The following ZMPSTE24 variants were observed in gnomAD, a reference collection of about 807,000 sequenced individuals.
ZMPSTE24 encodes CAAX prenyl protease 1 homolog.
In ZMPSTE24, 48 loss-of-function variants were observed where a neutral mutation model predicts 56.7. The observed-to-expected ratio is 0.85, with a 90% confidence interval of 0.67 to 1.08. The LOEUF (loss-of-function observed/expected upper bound fraction) is 1.08. ZMPSTE24 is among the 50% of genes least tolerant of loss of function. ZMPSTE24 has a pLI of 0.00. For missense variants in ZMPSTE24, 503 were observed against 548.7 expected (o/e 0.92, Z 0.83); for synonymous variants, 172 against 195.2 (o/e 0.88, Z 0.99).
chr1:40,281,246 G>A (rs1441503229), intron 6 of ZMPSTE24, 97 bp from the exon 7 acceptor site: 11 of 1,170,586 alleles, frequency 9.4e-6, no homozygotes, highest in Non-Finnish European at 1.4e-5. Flanking sequence ...ATTTGAAAAT[G>A]TTAATGTCCT....
chr1:40,288,846 C>T (rs55798920), intron 8 of ZMPSTE24, among the ~76,000 whole-genome samples: 1 of 151,982 alleles, frequency 6.6e-6, no homozygotes, highest in Non-Finnish European at 1.5e-5. Context: ...CCATTTTTTT[C>T]CCACTGCCAA....
At chr1:40,272,968 G>A (rs1014248789) in intron 6 of ZMPSTE24, among the ~76,000 whole-genome samples, 2 of 152,168 alleles carry the variant, frequency 1.3e-5, no homozygotes, top group African/African-American at 2.4e-5. Flanking sequence ...CTATTATAGC[G>A]CAAAAGCAGC....
chr1:40,267,749 C>A, intron 2 of ZMPSTE24, 37 bp from the exon 3 acceptor site: 1 of 1,412,440 alleles, frequency 7.1e-7, no homozygotes, highest in Non-Finnish European at 1.0e-6. Context: ...GTTTCTAGTA[C>A]TGTTCAACTG....
intron 6 of ZMPSTE24, among the ~76,000 whole-genome samples, chr1:40,277,736 A>C (rs748493790): frequency 9.2e-5 from 14 of 152,090 alleles, no homozygotes; most frequent in Admixed American, 2.0e-4. Context: ...TGGGAGGCCC[A>C]GGTAGGCAGA....
chr1:40,265,174 A>G (rs1013816578), intron 2 of ZMPSTE24, among the ~76,000 whole-genome samples: 1 of 152,208 alleles, frequency 6.6e-6, no homozygotes, highest in African/African-American at 2.4e-5. Flanking sequence ...TAAATACTGG[A>G]CTTTTAATAA....
chr1:40,271,104 G>A (rs1643610454), intron 5 of ZMPSTE24, among the ~76,000 whole-genome samples: 1 of 152,202 alleles, frequency 6.6e-6, no homozygotes, highest in South Asian at 2.1e-4. Flanking sequence ...CCAGGCTGGA[G>A]TACAGTGGCT....
At chr1:40,259,326 C>CTTTA (rs958756239) in intron 1 of ZMPSTE24, 1 of 151,822 alleles carries the variant, frequency 6.6e-6, no homozygotes, top group African/African-American at 2.4e-5. Context: ...TATTTTTAAT[C>CTTTA]TTTATTTATT....
intron 2 of ZMPSTE24, among the ~76,000 whole-genome samples, chr1:40,265,095 C>T (rs764926789): frequency 1.3e-5 from 2 of 152,032 alleles, no homozygotes; most frequent in Non-Finnish European, 2.9e-5. Context: ...AAAAGGTTTG[C>T]AGTATCAGTT....
At position 40,258,772 on chromosome 1, in the gene ZMPSTE24, A is replaced by G. The variant is rs58433788; in HGVS notation, c.123+378A>G. The stretch of plus-strand genomic sequence containing the variant: ...GACATTTATGTAATCATGCCTAACC[A>G]TAGGATTTTGCAGTCCTTCCAAGAA... On this transcript the variant is annotated intron_variant, in intron 1 of 9. Transcript: ENST00000372759. Among the ~76,000 whole-genome samples, 641 of 152,192 alleles carry G rather than the reference A, an allele frequency of 4.2e-3. 6 individuals carry two copies. The highest frequency in any genetic ancestry group is 0.02 in the South Asian group (96 of 4,816).
chr1:40,269,479 C>A (rs770687352), intron 4 of ZMPSTE24, among the ~76,000 whole-genome samples: 1 of 152,022 alleles, frequency 6.6e-6, no homozygotes, highest in East Asian at 1.9e-4. Flanking sequence ...TGTTTGTTTG[C>A]GACAGGGTCT....
chr1:40,268,536 G>A lies in ZMPSTE24; in HGVS notation c.474+1G>A, dbSNP rs1643579570. ...AGAAAAACATGGCTTCAATCAACAG[G>A]TATAATAAAGAATACAAATGTTCTC... is the stretch of plus-strand genomic sequence containing the variant. On this transcript the variant is annotated splice_donor_variant, in intron 4 of 9. Coordinates refer to ENST00000372759, the MANE Select transcript of ZMPSTE24 (RefSeq NM_005857.5). LOFTEE classifies it high-confidence loss of function. 1.9e-6 allele frequency: 3 copies of A among 1,555,856 alleles called. No homozygotes were observed. The highest frequency in any genetic ancestry group is 2.7e-6 in the Non-Finnish European group (3 of 1,129,704).
chr1:40,260,857 A>G lies in ZMPSTE24; in HGVS notation c.142A>G (p.Thr48Ala). 1 of 1,613,944 alleles carries G rather than the reference A, an allele frequency of 6.2e-7. No individual in the cohort carries two copies. Among genetic ancestry groups the G allele is most frequent in the South Asian group, 1.1e-5 (1 of 91,076 alleles). ...AQRQRRIYKT[T>A]THVPPELGQI... ...ATTTCAGAGAAGGATATATAAAACA[A>G]CAACTCATGTACCACCGGAGTTAGG... The change falls in exon 2 of 10, where the codon ACA becomes GCA. Residue 48 changes from threonine (T) to alanine (A), a missense_variant. Coordinates refer to ENST00000372759, the MANE Select transcript of ZMPSTE24 (RefSeq NM_005857.5).
chr1:40,283,217 C>T (rs1557780275), intron 7 of ZMPSTE24, among the ~76,000 whole-genome samples: 1 of 152,148 alleles, frequency 6.6e-6, no homozygotes, highest in Admixed American at 6.5e-5. Flanking sequence ...AGTTAATCTG[C>T]TTATGGTCAG....
rs1643571671 is a variant in ZMPSTE24 at position 40,267,888 on chromosome 1, G to A, written c.357+16G>A. ...AGAATATGAGGTATGTGATTCATTA[G>A]CATGTATTTGTCATGGTATTTCTTT... On this transcript the variant is annotated intron_variant, in intron 3 of 9. Transcript: ENST00000372759. 6.3e-7 allele frequency: 1 copy of A among 1,599,474 alleles called. No individual in the cohort carries two copies. The highest frequency in any genetic ancestry group is 1.3e-5 in the African/African-American group (1 of 74,552).
intron 6 of ZMPSTE24, among the ~76,000 whole-genome samples, chr1:40,276,426 A>G (rs2124586443): frequency 6.6e-6 from 1 of 152,216 alleles, no homozygotes; most frequent in South Asian, 2.1e-4. Context: ...GAAGAAAACC[A>G]GGAGAAACTG....
intron 6 of ZMPSTE24, among the ~76,000 whole-genome samples, chr1:40,274,117 T>G (rs1167258151): frequency 6.6e-6 from 1 of 152,166 alleles, no homozygotes; most frequent in Non-Finnish European, 1.5e-5. Flanking sequence ...TTACCAGTGC[T>G]GGGCTTGGTG....
intron 2 of ZMPSTE24, among the ~76,000 whole-genome samples, chr1:40,261,868 C>T (rs1643501235): frequency 6.6e-6 from 1 of 152,150 alleles, no homozygotes; most frequent in Admixed American, 6.5e-5. Flanking sequence ...TGCCACCACA[C>T]CTGGCTAATT....
At position 40,258,403 on chromosome 1, in the gene ZMPSTE24, A is replaced by G; in HGVS notation, c.123+9A>G. On this transcript the variant is annotated intron_variant, in intron 1 of 9. Coordinates refer to ENST00000372759, the MANE Select transcript of ZMPSTE24 (RefSeq NM_005857.5). ...TCCTAGCACAGCGGCAGGTGAGCCT[A>G]GACAGGGTCCAACCTGACCCCCATA... is the stretch of plus-strand genomic sequence containing the variant. 1 of 1,613,968 alleles carries G rather than the reference A, an allele frequency of 6.2e-7. No homozygotes were observed. The highest frequency in any genetic ancestry group is 8.5e-7 in the Non-Finnish European group (1 of 1,180,010).
At chr1:40,270,959 T>G (rs1292267581) in intron 5 of ZMPSTE24, among the ~76,000 whole-genome samples, 1 of 152,038 alleles carries the variant, frequency 6.6e-6, no homozygotes, top group Non-Finnish European at 1.5e-5. Context: ...TCTCTACAAA[T>G]AATAATTTTT....
Sources: gnomAD v4.1 joint callset for allele counts (sites outside exome capture counted in the v4.1 genomes callset) on GRCh38, gnomAD v4.1.1 for gene constraint, MANE v1.5 for transcripts, NCBI Gene and HGNC (gene_info 2026-07-23, HGNC 2026-07-21) for gene names.